VPS54: variants seen among roughly 807,000 people sequenced by gnomAD.
The protein encoded by VPS54 is VPS54 subunit of GARP complex, also known as vacuolar protein sorting-associated protein 54.
A neutral mutation model predicts 121.5 loss-of-function variants in VPS54; 45 were observed. The observed-to-expected ratio is 0.37, with a 90% CI of 0.29 to 0.47. The LOEUF (loss-of-function observed/expected upper bound fraction) is 0.47, where lower values mean the gene tolerates loss of function less well. VPS54 is among the 20% of genes least tolerant of loss of function. The probability of loss-of-function intolerance (pLI) is 0.99; values close to 1 mark genes in which losing one functional copy is unlikely to be tolerated. For synonymous variants in VPS54, 371 were observed against 385.8 expected (o/e 0.96, Z 0.45); for missense variants, 1,090 against 1,131.4 (o/e 0.96, Z 0.52).
chr2:63,944,800 C>G lies in VPS54; in HGVS notation c.1246-145G>C, dbSNP rs991688928. 5 of 619,504 alleles carry G rather than the reference C, an allele frequency of 8.1e-6. No homozygotes were observed. The African/African-American group carries it at 9.4e-5, about 12-fold the overall frequency. The allele number at this position is 619,504 out of a possible 1,614,324, so 38.4% of individuals were successfully genotyped here. On this transcript the variant is annotated intron_variant, in intron 9 of 22. Coordinates refer to ENST00000272322, the MANE Select transcript of VPS54 (RefSeq NM_016516.3). ...AAGGACATACATGTGGCCAACATAA[C>G]TGATCATTAGAGAAATGCAAATCAA...
intron 22 of VPS54, among the ~76,000 whole-genome samples, chr2:63,894,981 G>A (rs181077941): frequency 1.1e-4 from 17 of 152,248 alleles, no homozygotes; most frequent in Non-Finnish European, 1.9e-4. Flanking sequence ...GTGTAAAGGT[G>A]TACTTAGCTT....
At chr2:63,983,145 T>G (rs1229039850) in intron 2 of VPS54, among the ~76,000 whole-genome samples, 1 of 149,222 alleles carries the variant, frequency 6.7e-6, no homozygotes, top group Non-Finnish European at 1.5e-5. Flanking sequence ...CCCAATCATT[T>G]CCAAATGATT....
In VPS54 at chr2:63,947,488, T is replaced by A; in HGVS notation, c.1140A>T (p.Glu380Asp). The A allele has an allele frequency of 6.7e-7, 1 of 1,500,136 alleles. No individual in the cohort carries two copies. Among genetic ancestry groups the A allele is most frequent in the Non-Finnish European group, 9.0e-7 (1 of 1,106,640 alleles). 92.9% of individuals were successfully genotyped at this position (1,500,136 alleles called of 1,614,324 possible). A position where few individuals can be genotyped will look rare whatever the true frequency, so the allele number is the denominator to read the frequency against. The part of the protein sequence containing the change: ...LEDDCQVLEE[E>D]RLISLVFGLL... ...GTCCAAATACAAGAGATATTAGTCT[T>A]TCCTGTTAAAATAAAAGTATGTAAC... Residue 380 changes from glutamate to aspartate, a missense_variant and splice_region_variant, in exon 9 of 23, where the codon GAA (glutamate) becomes GAT (aspartate). Coordinates refer to ENST00000272322, the MANE Select transcript of VPS54 (RefSeq NM_016516.3).
intron 7 of VPS54, among the ~76,000 whole-genome samples, chr2:63,954,182 G>A (rs1172263905): frequency 7.2e-5 from 11 of 152,066 alleles, no homozygotes; most frequent in Non-Finnish European, 1.5e-4. Context: ...GGTAGGAAAT[G>A]CATACTATAA....
intron 3 of VPS54, among the ~76,000 whole-genome samples, chr2:63,980,636 CAT>C (rs1676763309): frequency 6.6e-6 from 1 of 152,046 alleles, no homozygotes; most frequent in Non-Finnish European, 1.5e-5. Flanking sequence ...TTGCTAAAAA[CAT>C]AGCTTTGTAA....
At chr2:63,913,198 G>A (rs571308605) in intron 18 of VPS54, 25 bp downstream of exon 18, 2 of 1,587,710 alleles carry the variant, frequency 1.3e-6, no homozygotes, top group African/African-American at 2.7e-5. Flanking sequence ...ACTTCAGCAA[G>A]TGAATTAAAC....
intron 2 of VPS54, 91 bp from the exon 3 acceptor site, chr2:63,981,978 T>G: frequency 7.2e-7 from 1 of 1,386,512 alleles, no homozygotes; most frequent in South Asian, 1.6e-5. Flanking sequence ...ATGCACAGAT[T>G]CCATCTTACG....
chr2:63,993,392 A>G (rs1025909487), intron 1 of VPS54, among the ~76,000 whole-genome samples: 1 of 152,156 alleles, frequency 6.6e-6, no homozygotes, highest in African/African-American at 2.4e-5. Flanking sequence ...AATTCAGACC[A>G]TCCAGTTATC....
intron 20 of VPS54, among the ~76,000 whole-genome samples, chr2:63,908,889 G>A (rs752012289): frequency 1.3e-5 from 2 of 152,192 alleles, no homozygotes; most frequent in Non-Finnish European, 2.9e-5. Context: ...TAGCTAGTAT[G>A]TGACAGACAT....
chr2:64,009,150 C>T (rs6727120), intron 1 of VPS54, among the ~76,000 whole-genome samples: 118,134 of 152,102 alleles, frequency 0.78, 47,410 homozygotes, highest in African/African-American at 0.91. Flanking sequence ...GTGCTTTCCT[C>T]TTCTGTCTTT....
chr2:63,978,728 T>C (rs1294470888), intron 3 of VPS54, among the ~76,000 whole-genome samples: 1 of 152,180 alleles, frequency 6.6e-6, no homozygotes, highest in East Asian at 1.9e-4. Flanking sequence ...CATGGGATCC[T>C]TCTGCCTCAG....
intron 22 of VPS54, 64 bp from the exon 23 acceptor site, chr2:63,893,599 C>T (rs138602629): frequency 2.4e-4 from 340 of 1,389,268 alleles, no homozygotes; most frequent in Non-Finnish European, 3.2e-4. Context: ...ATTAAAGTAA[C>T]AGTGCTCACC....
chr2:63,912,266 T>G, intron 20 of VPS54, 79 bp downstream of exon 20: 1 of 1,211,758 alleles, frequency 8.3e-7, no homozygotes, highest in Non-Finnish European at 1.2e-6. Flanking sequence ...TTTCACATCT[T>G]AATTTATAAA....
intron 7 of VPS54, among the ~76,000 whole-genome samples, chr2:63,952,108 A>T (rs985842815): frequency 6.6e-6 from 1 of 152,210 alleles, no homozygotes; most frequent in African/African-American, 2.4e-5. Context: ...AGATGGACTC[A>T]ATTCAATCTT....
chr2:63,942,149 G>A (rs1260499131), intron 11 of VPS54, among the ~76,000 whole-genome samples: 1 of 151,566 alleles, frequency 6.6e-6, no homozygotes, highest in Non-Finnish European at 1.5e-5. Flanking sequence ...GGGTGATTTT[G>A]GGGTGTTTAA....
At chr2:63,983,502 G>A (rs1199079256) in intron 2 of VPS54, among the ~76,000 whole-genome samples, 1 of 143,982 alleles carries the variant, frequency 6.9e-6, no homozygotes, top group African/African-American at 2.6e-5. Context: ...GAGTGCAGTG[G>A]CCCGATCTCA....
At chr2:63,942,697 T>C in intron 10 of VPS54, 136 bp from the exon 11 acceptor site, 1 of 691,570 alleles carries the variant, frequency 1.4e-6, no homozygotes, top group Non-Finnish European at 2.4e-6. Flanking sequence ...AACTAAAATG[T>C]TGAAGAGGTA....
intron 11 of VPS54, among the ~76,000 whole-genome samples, chr2:63,941,571 C>T (rs1052470042): frequency 6.6e-6 from 1 of 152,116 alleles, no homozygotes; most frequent in Non-Finnish European, 1.5e-5. Flanking sequence ...GTGATTCAAA[C>T]CAGTATGTAT....
intron 20 of VPS54, among the ~76,000 whole-genome samples, chr2:63,902,769 A>C (rs1043732907): frequency 2.0e-5 from 3 of 152,066 alleles, no homozygotes; most frequent in African/African-American, 7.2e-5. Flanking sequence ...AGGAGTTCAG[A>C]CCAGCCTGGC....
Sources: allele counts gnomAD v4.1 joint callset (sites outside exome capture counted in the v4.1 genomes callset), GRCh38; gene constraint gnomAD v4.1.1; transcripts MANE v1.5; gene names NCBI Gene and HGNC (gene_info 2026-07-23, HGNC 2026-07-21).